The following EYS variants were observed in gnomAD, a reference collection of about 807,000 sequenced individuals.
The protein encoded by EYS is protein eyes shut homolog.
In EYS, 250 loss-of-function variants were observed where a neutral mutation model predicts 282.1. That is an observed-to-expected ratio of 0.89 (90% CI 0.80 to 0.98). EYS has a LOEUF of 0.98. EYS is among the 50% of genes least tolerant of loss of function. EYS has a pLI of 0.00. For missense variants in EYS, 4,016 were observed against 3,709.0 expected (o/e 1.08, Z -2.15); for synonymous variants, 1,355 against 1,282.9 (o/e 1.06, Z -1.20).
chr6:64,607,768 G>A (rs1429382987), intron 24 of EYS, among the ~76,000 whole-genome samples: 1 of 152,020 alleles, frequency 6.6e-6, no homozygotes, highest in Admixed American at 6.6e-5. Context: ...ACTGTATTTT[G>A]GTTGCAGAGT....
intron 23 of EYS, among the ~76,000 whole-genome samples, chr6:64,619,697 CAG>C (rs1298481487): frequency 6.6e-6 from 1 of 151,852 alleles, no homozygotes; most frequent in Non-Finnish European, 1.5e-5. Context: ...GTTTTTGAGA[CAG>C]GGTCTTGCAC....
rs569563513 is a variant in EYS, at chr6:64,510,116, C to T, written c.5645-70764G>A. Among the ~76,000 whole-genome samples, 3 of 152,062 alleles carry T rather than the reference C, an allele frequency of 2.0e-5. No homozygotes were observed. In the South Asian group the frequency reaches 6.2e-4, roughly 32 times the overall value. On this transcript the variant is annotated intron_variant, in intron 26 of 42. Coordinates refer to ENST00000503581, the MANE Select transcript of EYS (RefSeq NM_001142800.2). Reference sequence around the variant, plus strand: ...TTTAAGAAAAAGTGGAGAAGACAAACTCAAATTATTTAGATCTAAAAAAAC... The same window carrying T: ...TTTAAGAAAAAGTGGAGAAGACAAATTCAAATTATTTAGATCTAAAAAAAC...
intron 22 of EYS, among the ~76,000 whole-genome samples, chr6:64,695,873 A>T (rs1770561500): frequency 6.6e-6 from 1 of 152,170 alleles, no homozygotes; most frequent in South Asian, 2.1e-4. Flanking sequence ...CATCCCAATG[A>T]AAAGTAAATA....
At chr6:63,962,749 G>A (rs369496164) in intron 35 of EYS, among the ~76,000 whole-genome samples, 4 of 152,096 alleles carry the variant, frequency 2.6e-5, no homozygotes, top group Non-Finnish European at 4.4e-5. Flanking sequence ...CCCAGCCATC[G>A]CATTACTGGG....
chr6:65,117,619 A>C (rs1775412765), intron 12 of EYS, among the ~76,000 whole-genome samples: 1 of 152,202 alleles, frequency 6.6e-6, no homozygotes, highest in African/African-American at 2.4e-5. Context: ...TGATTTGAGG[A>C]CCAAAATACC....
chr6:65,041,562 A>G (rs1193952194), intron 13 of EYS, among the ~76,000 whole-genome samples: 1 of 151,610 alleles, frequency 6.6e-6, no homozygotes, highest in Admixed American at 6.6e-5. Context: ...GTCTGAAAAT[A>G]AGAATCTTAT....
At position 64,590,237 on chromosome 6, in the gene EYS, C is replaced by T. The variant is rs780006257; in HGVS notation, c.5630G>A (p.Arg1877Gln). 7.6e-5 allele frequency: 117 copies of T among 1,543,850 alleles called. No individual in the cohort carries two copies. The highest frequency in any genetic ancestry group is 9.5e-5 in the Non-Finnish European group (109 of 1,143,298). The change falls in exon 26 of 43, where the codon CGG becomes CAG. Residue 1877 changes from arginine (R) to glutamine (Q), a missense_variant. Coordinates refer to ENST00000503581, the MANE Select transcript of EYS (RefSeq NM_001142800.2). ...SSLESILAPQ[R>Q]LMISDFSCVR... ...GAGAAACTCACCAGAAATCATCAGC[C>T]GTTGAGGTGCCAGAATGGATTCCAG...
At chr6:65,187,569 G>A (rs1005872691) in intron 12 of EYS, among the ~76,000 whole-genome samples, 1 of 151,550 alleles carries the variant, frequency 6.6e-6, no homozygotes, top group African/African-American at 2.4e-5. Context: ...GAGAATCAGG[G>A]CTTATTCTGT....
intron 31 of EYS, among the ~76,000 whole-genome samples, chr6:64,086,667 G>A (rs748366873): frequency 7.2e-5 from 11 of 152,038 alleles, no homozygotes; most frequent in South Asian, 2.1e-4. Context: ...CATTGTATCC[G>A]CAACTTTTTT....
At chr6:65,108,870 T>G (rs1183643044) in intron 12 of EYS, among the ~76,000 whole-genome samples, 4 of 152,108 alleles carry the variant, frequency 2.6e-5, no homozygotes, top group Non-Finnish European at 5.9e-5. Context: ...GATCAGTGTT[T>G]TTTTTCTTTT....
chr6:65,084,863 G>A (rs1307158504), intron 12 of EYS, among the ~76,000 whole-genome samples: 2 of 152,104 alleles, frequency 1.3e-5, no homozygotes, highest in Non-Finnish European at 2.9e-5. Flanking sequence ...GAAGTGTGTA[G>A]TAGCATGGGC....
chr6:64,571,287 G>C (rs1288234378), intron 26 of EYS, among the ~76,000 whole-genome samples: 1 of 152,048 alleles, frequency 6.6e-6, no homozygotes, highest in Non-Finnish European at 1.5e-5. Flanking sequence ...AGTGTTTAGA[G>C]GGAAATTTAT....
chr6:64,050,272 A>C (rs1185560818), intron 33 of EYS, among the ~76,000 whole-genome samples: 1 of 150,324 alleles, frequency 6.7e-6, no homozygotes, highest in African/African-American at 2.5e-5. Context: ...AATCCCTCCC[A>C]CCCCCTGCCA....
At chr6:65,318,530 C>T (rs1167431205) in intron 11 of EYS, among the ~76,000 whole-genome samples, 1 of 144,760 alleles carries the variant, frequency 6.9e-6, no homozygotes, top group Non-Finnish European at 1.5e-5. Context: ...TGGTTATATA[C>T]ATATTTTATA....
intron 24 of EYS, among the ~76,000 whole-genome samples, chr6:64,596,456 TTA>T (rs1397829534): frequency 6.6e-6 from 1 of 152,142 alleles, no homozygotes. Flanking sequence ...CTCTCTGACT[TTA>T]AATTATACTA....
At chr6:64,795,453 A>G (rs1774326333) in intron 22 of EYS, among the ~76,000 whole-genome samples, 2 of 152,122 alleles carry the variant, frequency 1.3e-5, no homozygotes, top group Non-Finnish European at 2.9e-5. Context: ...TAGTAGGATT[A>G]TTTTATGTTT....
chr6:65,608,454 T>G (rs1003264376), intron 2 of EYS, among the ~76,000 whole-genome samples: 3 of 152,022 alleles, frequency 2.0e-5, no homozygotes, highest in African/African-American at 7.2e-5. Context: ...GTTACACTAT[T>G]GTATACTTCA....
At chr6:65,367,132 A>C (rs566217783) in intron 8 of EYS, among the ~76,000 whole-genome samples, 1 of 151,816 alleles carries the variant, frequency 6.6e-6, no homozygotes, top group Non-Finnish European at 1.5e-5. Flanking sequence ...TATTCAGCCC[A>C]GCATACTCTG....
intron 30 of EYS, among the ~76,000 whole-genome samples, chr6:64,278,498 A>G (rs1768191541): frequency 6.6e-6 from 1 of 152,294 alleles, no homozygotes; most frequent in East Asian, 1.9e-4. Flanking sequence ...TATTTTAATA[A>G]GAAACTTCTT....
Sources: gnomAD v4.1 joint callset for allele counts (sites outside exome capture counted in the v4.1 genomes callset) on GRCh38, gnomAD v4.1.1 for gene constraint, MANE v1.5 for transcripts, NCBI Gene and HGNC (gene_info 2026-07-23, HGNC 2026-07-21) for gene names.